Variants in SGCD observed in about 807,000 individuals in gnomAD.
The protein encoded by SGCD is sarcoglycan delta, also known as delta-sarcoglycan.
SGCD carries 18 observed loss-of-function variants against 36.6 expected under a neutral mutation model. That is an observed-to-expected ratio of 0.49 (90% confidence interval 0.34 to 0.73). SGCD has a LOEUF of 0.73. Among genes scored for constraint, SGCD ranks in the 30% least tolerant of loss-of-function variants. The pLI is 0.01. For synonymous variants in SGCD, 133 were observed against 130.6 expected, an observed-to-expected ratio of 1.02 and a Z score of -0.12; for missense variants, 387 against 346.7, an observed-to-expected ratio of 1.12 and a Z score of -0.92.
chr5:156,302,629 T>A (rs746051288), intron 3 of SGCD, among the ~76,000 whole-genome samples: 6 of 152,198 alleles, frequency 3.9e-5, no homozygotes, highest in Non-Finnish European at 8.8e-5. Flanking sequence ...TTTATTATAG[T>A]CTGGACTTAT....
chr5:156,736,176 G>A (rs1756353869), intron 7 of SGCD, among the ~76,000 whole-genome samples: 1 of 152,104 alleles, frequency 6.6e-6, no homozygotes, highest in Admixed American at 6.5e-5. Flanking sequence ...TGGCAGTGCT[G>A]TATTTACTTG....
intron 3 of SGCD, among the ~76,000 whole-genome samples, chr5:156,188,178 C>A (rs568792714): frequency 2.0e-5 from 3 of 152,258 alleles, no homozygotes; most frequent in South Asian, 4.1e-4. Context: ...CATTCTTTTA[C>A]TCATTAGACA....
intron 3 of SGCD, among the ~76,000 whole-genome samples, chr5:156,163,025 G>A (rs189826995): frequency 6.6e-6 from 1 of 151,566 alleles, no homozygotes; most frequent in Admixed American, 6.6e-5. Context: ...TATTGGGATG[G>A]CAATGTAGCC....
At chr5:156,147,456 G>T (rs969926259) in intron 3 of SGCD, among the ~76,000 whole-genome samples, 1 of 152,112 alleles carries the variant, frequency 6.6e-6, no homozygotes, top group Non-Finnish European at 1.5e-5. Flanking sequence ...CTGGCTGTTT[G>T]CATTTCCATG....
At chr5:155,810,562 G>GT in the SGCD span, among the ~76,000 whole-genome samples, 1 of 151,952 alleles carries the variant, frequency 6.6e-6, no homozygotes, top group Middle Eastern at 3.4e-3. Context: ...ATTTATGTTA[G>GT]TTGTCTTTAA....
chr5:155,757,659 G>T, the SGCD span, among the ~76,000 whole-genome samples: 1 of 152,166 alleles, frequency 6.6e-6, no homozygotes, highest in African/African-American at 2.4e-5. Context: ...CATGCCCCGG[G>T]TTGTACAGGA....
intron 1 of SGCD, among the ~76,000 whole-genome samples, chr5:155,995,750 A>T (rs1758528151): frequency 6.6e-6 from 1 of 152,154 alleles, no homozygotes; most frequent in African/African-American, 2.4e-5. Flanking sequence ...GACAGCTGGA[A>T]ATAAAATAAA....
At chr5:156,019,192 AAG>A (rs1254335926) in intron 1 of SGCD, among the ~76,000 whole-genome samples, 1 of 152,228 alleles carries the variant, frequency 6.6e-6, no homozygotes, top group Non-Finnish European at 1.5e-5. Context: ...TTCACATTGA[AAG>A]AGTGATGAAA....
At position 156,334,308 on chromosome 5, in the gene SGCD, G is replaced by C. The variant is rs368839391; in HGVS notation, c.3+4729G>C. Among the ~76,000 whole-genome samples, 5 of 152,168 alleles carry C rather than the reference G, an allele frequency of 3.3e-5. No individual in the cohort carries two copies. The East Asian group carries it at 9.6e-4, about 29-fold the overall frequency. ...TATTAGGAAAGCTAACCATAGAAGT[G>C]GCCATGATGGGGTAGATACAGCATC... is the stretch of plus-strand genomic sequence containing the variant. On this transcript the variant is annotated intron_variant, in intron 2 of 8. Coordinates refer to ENST00000337851, the MANE Select transcript of SGCD (RefSeq NM_000337.6).
the SGCD span, among the ~76,000 whole-genome samples, chr5:155,851,668 G>C: frequency 6.6e-6 from 1 of 152,156 alleles, no homozygotes; most frequent in Admixed American, 6.6e-5. Context: ...CTCTATGCCT[G>C]GAAGGCCCTT....
chr5:156,477,497 GA>G (rs541169674), intron 3 of SGCD, among the ~76,000 whole-genome samples: 197 of 152,232 alleles, frequency 1.3e-3, no homozygotes, highest in Admixed American at 3.6e-3. Flanking sequence ...GATATAAAAG[GA>G]AAGGGAAGTA....
chr5:156,523,927 A>T (rs1353465682), intron 4 of SGCD, among the ~76,000 whole-genome samples: 1 of 151,042 alleles, frequency 6.6e-6, no homozygotes, highest in Admixed American at 6.6e-5. Context: ...GTTCTTAGAA[A>T]CTGCAACTTT....
intron 1 of SGCD, among the ~76,000 whole-genome samples, chr5:155,945,317 A>T (rs750169422): frequency 3.3e-5 from 5 of 152,312 alleles, no homozygotes; most frequent in Admixed American, 6.5e-5. Flanking sequence ...GGGAAGGGAG[A>T]GAGAACTTTT....
chr5:156,341,757 C>T (rs1440636031), intron 2 of SGCD, among the ~76,000 whole-genome samples: 1 of 152,230 alleles, frequency 6.6e-6, no homozygotes, highest in East Asian at 1.9e-4. Context: ...GTTGCCCAGG[C>T]TGGAGTGCAA....
At chr5:156,429,930 T>C (rs1249909480) in intron 3 of SGCD, among the ~76,000 whole-genome samples, 1 of 152,158 alleles carries the variant, frequency 6.6e-6, no homozygotes, top group Non-Finnish European at 1.5e-5. Context: ...ACCTGATGCT[T>C]TTTTCTCACA....
At chr5:155,784,492 C>T in the SGCD span, among the ~76,000 whole-genome samples, 1 of 152,152 alleles carries the variant, frequency 6.6e-6, no homozygotes, top group South Asian at 2.1e-4. Flanking sequence ...GAGTTACAGT[C>T]TACATGGATT....
intron 3 of SGCD, among the ~76,000 whole-genome samples, chr5:156,492,369 G>T (rs1197904281): frequency 2.6e-5 from 4 of 152,038 alleles, no homozygotes. Context: ...TCTGCAATCT[G>T]CAACCTGGAG....
chr5:156,380,468 G>A (rs925105307), intron 3 of SGCD, among the ~76,000 whole-genome samples: 5 of 152,206 alleles, frequency 3.3e-5, no homozygotes, highest in Non-Finnish European at 7.4e-5. Context: ...TTTCAAGCAC[G>A]TATTCATTCT....
rs1491496823 is a variant in SGCD, at chr5:156,061,944, T to TA, written c.-281-55933dup. Among the ~76,000 whole-genome samples the TA allele has an allele frequency of 4.9e-5, 5 of 101,350 alleles. 1 individual carries two copies. Among genetic ancestry groups the TA allele is most frequent in the African/African-American group, 2.8e-4 (4 of 14,544 alleles). The allele number at this position is 101,350 out of a possible 152,430, so 66.5% of individuals were successfully genotyped here. A position where few individuals can be genotyped will look rare whatever the true frequency, so the allele number is the denominator to read the frequency against. On this transcript the variant is annotated intron_variant, in intron 1 of 9. Coordinates refer to the SGCD transcript ENST00000517913. ...CTTTTTTTTTTTTTTTTTTTTTTTTTATTATACTCTAAGTTTTAGGGTACA... is the reference window on the plus strand; with the variant it reads ...CTTTTTTTTTTTTTTTTTTTTTTTTTAATTATACTCTAAGTTTTAGGGTACA...
Sources: gnomAD v4.1 joint callset for allele counts (sites outside exome capture counted in the v4.1 genomes callset) on GRCh38, gnomAD v4.1.1 for gene constraint, MANE v1.5 for transcripts, NCBI Gene and HGNC (gene_info 2026-07-23, HGNC 2026-07-21) for gene names.